Variants in SATB1 observed in about 807,000 individuals in gnomAD.
SATB1 encodes the protein SATB homeobox 1, also known as DNA-binding protein SATB1.
A neutral mutation model predicts 86.9 loss-of-function variants in SATB1; 11 were observed. That is an observed-to-expected ratio of 0.13 (90% CI 0.08 to 0.21). SATB1 has a LOEUF of 0.21. Among genes scored for constraint, SATB1 ranks in the 10% least tolerant of loss-of-function variants. SATB1 has a pLI of 1.00. For synonymous variants in SATB1, 357 were observed against 357.2 expected (o/e 1.00, Z 0.01); for missense variants, 551 against 937.6 (o/e 0.59, Z 5.39).
chr3:18,369,229 T>C (rs1476389089), intron 9 of SATB1, among the ~76,000 whole-genome samples: 1 of 151,316 alleles, frequency 6.6e-6, no homozygotes, highest in Non-Finnish European at 1.5e-5. Flanking sequence ...TAGAAATCCT[T>C]TCAGAATTTA....
At position 18,444,708 on chromosome 3, in the gene SATB1, G is replaced by T. The variant is rs1433721464; in HGVS notation, c.-25+810C>A. The T allele has an allele frequency of 1.0e-6, 1 of 961,826 alleles. No individual in the cohort carries two copies. Among genetic ancestry groups the T allele is most frequent in the East Asian group, 1.2e-4 (1 of 8,540 alleles). The allele number at this position is 961,826 out of a possible 1,614,324, so 59.6% of individuals were successfully genotyped here. A position where few individuals can be genotyped will look rare whatever the true frequency, so the allele number is the denominator to read the frequency against. ...GCCGGCGTCGGACTTCCGAGGCGGC[G>T]GCTTCTGCCTCTCCTGCCGCCGCCG... On this transcript the variant is annotated intron_variant, in intron 1 of 3. Coordinates refer to the SATB1 transcript ENST00000415069. The surrounding 1 kb of genome is among the most constrained non-coding windows in gnomAD (Gnocchi z 5.1).
chr3:18,349,647 CTGCTGCTGCTGCTGT>C lies in SATB1; in HGVS notation c.1800_1814del (p.Gln603_Gln607del). On this transcript the variant is annotated inframe_deletion, in exon 11 of 11. Transcript: ENST00000338745. The surrounding 1 kb of genome is among the most constrained non-coding windows in gnomAD (Gnocchi z 5.5). ...GCTGTGGAGGCGGCGGTGCCTGCTG[CTGCTGCTGCTGCTGT>C]TGCTGTTGCTGCTGCTGTTGCTGCA... The C allele has an allele frequency of 6.2e-7, 1 of 1,610,830 alleles. No homozygotes were observed. Among genetic ancestry groups the C allele is most frequent in the Non-Finnish European group, 8.5e-7 (1 of 1,178,888 alleles).
intron 5 of SATB1, among the ~76,000 whole-genome samples, chr3:18,412,931 T>A (rs533663621): frequency 6.6e-6 from 1 of 152,234 alleles, no homozygotes; most frequent in East Asian, 1.9e-4. Context: ...GAGAACAATT[T>A]ACATGTTTTC....
chr3:18,404,117 T>C (rs746653395), intron 5 of SATB1, among the ~76,000 whole-genome samples: 6 of 152,088 alleles, frequency 3.9e-5, no homozygotes, highest in Non-Finnish European at 7.4e-5. Context: ...ATATGATATA[T>C]TGACAAGAAA....
At chr3:18,408,581 CTCT>C (rs1697668993) in intron 5 of SATB1, 1 of 151,804 alleles carries the variant, frequency 6.6e-6, no homozygotes, top group African/African-American at 2.4e-5. Flanking sequence ...GTTAAAGGCT[CTCT>C]TATGTTTTTC....
At chr3:18,414,144 A>C (rs534864573) in intron 5 of SATB1, among the ~76,000 whole-genome samples, 2 of 152,134 alleles carry the variant, frequency 1.3e-5, no homozygotes, top group Non-Finnish European at 2.9e-5. Flanking sequence ...TCAAATTAAA[A>C]GAAAACATTA....
At chr3:18,440,751 T>C (rs1486761396), upstream of SATB1, among the ~76,000 whole-genome samples, 1 of 152,172 alleles carries the variant, frequency 6.6e-6, no homozygotes, top group Non-Finnish European at 1.5e-5. Flanking sequence ...AACTCTGTTC[T>C]GTCAAAATGT....
rs962134624 is a variant in SATB1, at chr3:18,346,340, C to G, written c.*2830G>C. ...CTACCTGACTCTGCTAAGGTCTTAACAGCACAAAACGCTATGTCATGCCCA... is the reference window on the plus strand; with the variant it reads ...CTACCTGACTCTGCTAAGGTCTTAAGAGCACAAAACGCTATGTCATGCCCA... On this transcript the variant is annotated 3_prime_UTR_variant, in exon 11 of 11. Transcript: ENST00000338745. 2.0e-5 allele frequency: 3 copies of G among 152,118 alleles called. No individual in the cohort carries two copies. Among genetic ancestry groups the G allele is most frequent in the Non-Finnish European group, 4.4e-5 (3 of 67,996 alleles). The allele number at this position is 152,118 out of a possible 1,614,324, so 9.4% of individuals were successfully genotyped here.
intron 2 of SATB1, chr3:18,417,440 T>C (rs1222319903): frequency 5.1e-6 from 3 of 584,886 alleles, no homozygotes; most frequent in Non-Finnish European, 9.0e-6. Context: ...TAGTATACAG[T>C]ATGCAAACAT....
chr3:18,419,120 GATC>G (rs1698258355), intron 2 of SATB1, among the ~76,000 whole-genome samples: 1 of 152,096 alleles, frequency 6.6e-6, no homozygotes. Context: ...GGATTTTATT[GATC>G]ATGTTTAGAG....
intron 3 of SATB1, 58 bp downstream of exon 3, chr3:18,416,844 T>A: frequency 6.9e-7 from 1 of 1,456,034 alleles, no homozygotes; most frequent in Non-Finnish European, 9.3e-7. Flanking sequence ...GTGCTTTCTC[T>A]GCAAGGTAAA....
rs965481748 is a variant in SATB1, at chr3:18,417,498, G to A, written c.212-420C>T. 1.0e-5 allele frequency: 6 copies of A among 601,564 alleles called. No individual in the cohort carries two copies. The Admixed American group carries it at 1.2e-4, about 12-fold the overall frequency. 37.3% of individuals were successfully genotyped at this position (601,564 alleles called of 1,614,324 possible). On this transcript the variant is annotated intron_variant, in intron 2 of 10. Transcript: ENST00000338745. ...GAACCCACCTTTCTACTGCTTACATGATTTTGTTAATAATAAACTTTTCCT... is the reference window on the plus strand; with the variant it reads ...GAACCCACCTTTCTACTGCTTACATAATTTTGTTAATAATAAACTTTTCCT...
chr3:18,373,398 TA>T (rs765742645), intron 9 of SATB1, among the ~76,000 whole-genome samples: 9 of 152,212 alleles, frequency 5.9e-5, no homozygotes, highest in Non-Finnish European at 1.3e-4. Context: ...AACTGAAGTG[TA>T]ATTTAATTCT....
chr3:18,377,578 T>C (rs1475524666), intron 9 of SATB1, among the ~76,000 whole-genome samples: 2 of 152,158 alleles, frequency 1.3e-5, no homozygotes, highest in Non-Finnish European at 2.9e-5. Context: ...AATTCAGGGT[T>C]GGACAAGTTG....
At chr3:18,426,512 T>G (rs1332725083), upstream of SATB1, among the ~76,000 whole-genome samples, 1 of 152,214 alleles carries the variant, frequency 6.6e-6, no homozygotes, top group Non-Finnish European at 1.5e-5. The surrounding 1 kb of genome is among the most constrained non-coding windows in gnomAD (Gnocchi z 4.2). Context: ...TAAATGGTCA[T>G]TACCACATAA....
rs942999459 is a variant in SATB1, at chr3:18,347,884, G to C, written c.*1286C>G. 6.6e-6 allele frequency: 1 copy of C among 152,288 alleles called. No individual in the cohort carries two copies. Among genetic ancestry groups the C allele is most frequent in the Non-Finnish European group, 1.5e-5 (1 of 68,008 alleles). 9.4% of individuals were successfully genotyped at this position (152,288 alleles called of 1,614,324 possible). ...GTTATTAACATGCACCTAAATGAGA[G>C]GGCCATCCTTTGACTCCTTTAGTTA... is the stretch of plus-strand genomic sequence containing the variant. On this transcript the variant is annotated 3_prime_UTR_variant, in exon 11 of 11. Coordinates refer to ENST00000338745, the MANE Select transcript of SATB1 (RefSeq NM_002971.6).
In SATB1 at chr3:18,415,103, C is replaced by T. The variant is rs568855610; in HGVS notation, c.639+8G>A. The stretch of plus-strand genomic sequence containing the variant: ...GTCTTATTATTTATTACATTCTATG[C>T]TAAGTACCTGTGAAAGGGGGCACTC... On this transcript the variant is annotated splice_region_variant and intron_variant, in intron 5 of 10. Coordinates refer to ENST00000338745, the MANE Select transcript of SATB1 (RefSeq NM_002971.6). 6.2e-7 allele frequency: 1 copy of T among 1,612,454 alleles called. No homozygotes were observed. Among genetic ancestry groups the T allele is most frequent in the East Asian group, 2.2e-5 (1 of 44,848 alleles).
chr3:18,380,798 AT>A (rs1364172526), intron 8 of SATB1, among the ~76,000 whole-genome samples: 1 of 152,198 alleles, frequency 6.6e-6, no homozygotes, highest in Non-Finnish European at 1.5e-5. Flanking sequence ...TGAAAGCTGA[AT>A]TTTTCCCCAG....
At chr3:18,400,928 A>G (rs1339919934) in intron 5 of SATB1, among the ~76,000 whole-genome samples, 1 of 152,204 alleles carries the variant, frequency 6.6e-6, no homozygotes, top group Non-Finnish European at 1.5e-5. Context: ...TCATACTCCA[A>G]TTTGGTGGTG....
Sources: allele counts gnomAD v4.1 joint callset (sites outside exome capture counted in the v4.1 genomes callset), GRCh38; gene constraint gnomAD v4.1.1; non-coding constraint Gnocchi (gnomAD v3.1); transcripts MANE v1.5; gene names NCBI Gene and HGNC (gene_info 2026-07-23, HGNC 2026-07-21).